Variants in DLGAP2 observed in about 807,000 individuals in gnomAD.
The protein encoded by DLGAP2 is disks large-associated protein 2.
In DLGAP2, 26 loss-of-function variants were observed where a neutral mutation model predicts 100.3. The observed-to-expected ratio is 0.26, with a 90% CI of 0.19 to 0.36. DLGAP2 has a LOEUF of 0.36. DLGAP2 is among the 10% of genes least tolerant of loss of function. The probability of loss-of-function intolerance (pLI) is 1.00; values close to 1 mark genes in which losing one functional copy is unlikely to be tolerated. For missense variants in DLGAP2, 1,858 were observed against 1,453.2 expected, an observed-to-expected ratio of 1.28 and a Z score of -4.53; for synonymous variants, 886 against 630.1, an observed-to-expected ratio of 1.41 and a Z score of -6.08.
chr8:960,790 G>C lies in DLGAP2; in HGVS notation c.73+52824G>C, dbSNP rs1391921195. 3.3e-5 allele frequency among the ~76,000 whole-genome samples: 5 copies of C among 152,152 alleles called. No individual in the cohort carries two copies. In the East Asian group the frequency reaches 9.6e-4, roughly 29 times the overall value. On this transcript the variant is annotated intron_variant, in intron 2 of 14. Transcript: ENST00000637795. ...TAAGTTGAAATGCATTTAATACTCT[G>C]ATAAGCCCATGGTAAAGTTGAAACA...
chr8:1,000,271 C>T (rs1333477669), intron 2 of DLGAP2, among the ~76,000 whole-genome samples: 6 of 151,052 alleles, frequency 4.0e-5, no homozygotes, highest in African/African-American at 4.9e-5. Context: ...TTCTCTAGAG[C>T]GGACAGATCC....
Position 1,465,081 on chromosome 8 carries a change from T to G in DLGAP2, c.107-36285T>G, listed in dbSNP as rs147392501. Among the ~76,000 whole-genome samples the G allele has an allele frequency of 3.2e-3, 486 of 152,290 alleles. 2 individuals carry two copies. The highest frequency in any genetic ancestry group is 0.011 in the African/African-American group (466 of 41,574). On this transcript the variant is annotated intron_variant, in intron 3 of 14. Coordinates refer to ENST00000637795, the MANE Select transcript of DLGAP2 (RefSeq NM_001346810.2). ...CAGGGGTCACCAGCCAGGGATCCCC[T>G]AATTCAGCACATTCACCTGGCGGGA...
chr8:1,577,818 C>G (rs977944985), intron 6 of DLGAP2, among the ~76,000 whole-genome samples: 10 of 152,130 alleles, frequency 6.6e-5, no homozygotes. Flanking sequence ...GGGCAGCACT[C>G]AGCGTGGTCA....
rs560100012 is a variant in DLGAP2 at position 1,176,940 on chromosome 8, A to C, written c.74-81911A>C. Among the ~76,000 whole-genome samples the C allele has an allele frequency of 1.2e-4, 18 of 152,322 alleles. No individual in the cohort carries two copies. In the South Asian group the frequency reaches 3.7e-3, roughly 32 times the overall value. The stretch of plus-strand genomic sequence containing the variant: ...CATGCCATGGCAGCAAAGCAGCACA[A>C]TTCTGGGAACTGAGCAAGCAAGTCA... On this transcript the variant is annotated intron_variant, in intron 2 of 14. Coordinates refer to ENST00000637795, the MANE Select transcript of DLGAP2 (RefSeq NM_001346810.2).
chr8:1,469,369 A>C (rs1798716445), intron 3 of DLGAP2, among the ~76,000 whole-genome samples: 1 of 152,212 alleles, frequency 6.6e-6, no homozygotes, highest in African/African-American at 2.4e-5. Flanking sequence ...TCTGGCTCCT[A>C]GGAGCCGGCT....
chr8:1,228,918 G>A (rs775904458), intron 2 of DLGAP2, among the ~76,000 whole-genome samples: 17 of 152,170 alleles, frequency 1.1e-4, no homozygotes, highest in Non-Finnish European at 2.2e-4. Context: ...TGTACTGGAG[G>A]TTCTAGGCAG....
chr8:1,584,945 A>G (rs982251145), intron 6 of DLGAP2, among the ~76,000 whole-genome samples: 2 of 152,162 alleles, frequency 1.3e-5, no homozygotes, highest in East Asian at 1.9e-4. Context: ...ACTTTTTTCT[A>G]TTAGAAAAAA....
chr8:1,590,774 T>C (rs1363137354), intron 6 of DLGAP2, among the ~76,000 whole-genome samples: 1 of 152,168 alleles, frequency 6.6e-6, no homozygotes, highest in Non-Finnish European at 1.5e-5. Context: ...TGAGGGACAT[T>C]CCTTCCTCCC....
intron 1 of DLGAP2, among the ~76,000 whole-genome samples, chr8:805,131 C>T (rs1428725184): frequency 6.6e-6 from 1 of 152,174 alleles, no homozygotes; most frequent in Non-Finnish European, 1.5e-5. Flanking sequence ...GAATGATTTG[C>T]CCCCTAGGCA....
At chr8:1,599,618 C>T (rs1274953453) in intron 6 of DLGAP2, among the ~76,000 whole-genome samples, 2 of 152,132 alleles carry the variant, frequency 1.3e-5, no homozygotes, top group Admixed American at 1.3e-4. Flanking sequence ...GATCCCTTTA[C>T]GATTATGTGA....
chr8:1,567,672 T>G (rs779809929), intron 6 of DLGAP2, among the ~76,000 whole-genome samples: 17 of 151,990 alleles, frequency 1.1e-4, no homozygotes, highest in Non-Finnish European at 2.4e-4. Context: ...TGGCCCAGAG[T>G]CCTGTACGAG....
chr8:1,424,217 C>T (rs1246849668), intron 3 of DLGAP2, among the ~76,000 whole-genome samples: 1 of 152,224 alleles, frequency 6.6e-6, no homozygotes, highest in Non-Finnish European at 1.5e-5. Flanking sequence ...TAGTCTTAAG[C>T]TGATGGTTTG....
intron 2 of DLGAP2, among the ~76,000 whole-genome samples, chr8:1,185,543 T>G (rs2116712559): frequency 6.6e-6 from 1 of 152,202 alleles, no homozygotes; most frequent in East Asian, 1.9e-4. Flanking sequence ...ATACCATCAT[T>G]CCACAAAACA....
intron 1 of DLGAP2, among the ~76,000 whole-genome samples, chr8:820,744 A>C (rs1287222815): frequency 6.6e-6 from 1 of 152,238 alleles, no homozygotes; most frequent in Non-Finnish European, 1.5e-5. Context: ...ATAAACTCAC[A>C]TAATGAGAAG....
At chr8:1,587,045 G>A (rs527772105) in intron 6 of DLGAP2, among the ~76,000 whole-genome samples, 21 of 152,314 alleles carry the variant, frequency 1.4e-4, no homozygotes, top group African/African-American at 5.1e-4. Context: ...CCTAGCGGGA[G>A]GGGCAAGGAT....
At chr8:932,188 T>A (rs544947541) in intron 2 of DLGAP2, among the ~76,000 whole-genome samples, 1 of 151,990 alleles carries the variant, frequency 6.6e-6, no homozygotes, top group African/African-American at 2.4e-5. Flanking sequence ...ACCTTTGGCC[T>A]CTAGACACTT....
chr8:1,652,908 A>G (rs1466878515), intron 8 of DLGAP2, among the ~76,000 whole-genome samples: 2 of 152,136 alleles, frequency 1.3e-5, no homozygotes, highest in Admixed American at 1.3e-4. Context: ...TGTGCCACAG[A>G]TGACTCATTG....
At chr8:1,417,708 T>C in intron 3 of DLGAP2, among the ~76,000 whole-genome samples, 1 of 146,494 alleles carries the variant, frequency 6.8e-6, no homozygotes, top group African/African-American at 2.7e-5. Flanking sequence ...CACTCCTGCC[T>C]CACTCGGCGA....
At chr8:939,897 C>G (rs969030859) in intron 2 of DLGAP2, among the ~76,000 whole-genome samples, 38 of 151,638 alleles carry the variant, frequency 2.5e-4, no homozygotes, top group African/African-American at 9.2e-4. Flanking sequence ...CTCGGAGGCC[C>G]CAGGCTGCGG....
Sources: allele counts gnomAD v4.1 joint callset (sites outside exome capture counted in the v4.1 genomes callset), GRCh38; gene constraint gnomAD v4.1.1; transcripts MANE v1.5; gene names NCBI Gene and HGNC (gene_info 2026-07-23, HGNC 2026-07-21).